LRCH2: variants seen among roughly 807,000 people sequenced by gnomAD.
The protein encoded by LRCH2 is leucine rich repeats and calponin homology domain containing 2, also known as leucine-rich repeat and calponin homology domain-containing protein 2.
A neutral mutation model predicts 68.9 loss-of-function variants in LRCH2; 38 were observed. The observed-to-expected ratio is 0.55, with a 90% confidence interval of 0.43 to 0.72. The LOEUF (loss-of-function observed/expected upper bound fraction) is 0.72, where lower values mean the gene tolerates loss of function less well. LRCH2 is among the 30% of genes least tolerant of loss of function. LRCH2 has a pLI of 0.00. For synonymous variants in LRCH2, 191 were observed against 208.1 expected (o/e 0.92, Z 0.71); for missense variants, 528 against 572.9 (o/e 0.92, Z 0.80).
At chrX:115,194,037 T>A (rs144273602) in intron 1 of LRCH2, among the ~76,000 whole-genome samples, 34 of 110,992 alleles carry the variant, frequency 3.1e-4, no homozygotes, top group African/African-American at 1.0e-3. Flanking sequence ...TCAGTAATGC[T>A]CAACTTCCTC....
intron 3 of LRCH2, among the ~76,000 whole-genome samples, chrX:115,180,638 AATG>A (rs1473302090): frequency 9.0e-6 from 1 of 111,653 alleles, no homozygotes; most frequent in African/African-American, 3.3e-5. Context: ...TTTTAGTGAA[AATG>A]ATAATAGCTT....
intron 1 of LRCH2, among the ~76,000 whole-genome samples, chrX:115,193,509 G>GC (rs1432224860): frequency 2.5e-3 from 278 of 111,247 alleles, no homozygotes; most frequent in African/African-American, 8.4e-3. Context: ...CTAAATTATT[G>GC]CAAGTACACA....
chrX:115,176,067 T>C (rs919970026), intron 5 of LRCH2, among the ~76,000 whole-genome samples: 3 of 112,067 alleles, frequency 2.7e-5, no homozygotes, highest in Non-Finnish European at 5.6e-5. Context: ...GGAGAACTGC[T>C]TGGTGGTGGG....
chrX:115,178,945 T>C (rs1556551647), intron 5 of LRCH2, among the ~76,000 whole-genome samples: 1 of 112,298 alleles, frequency 8.9e-6, no homozygotes, highest in East Asian at 2.8e-4. Flanking sequence ...ACTTTGTCCA[T>C]AGGGGATTAT....
intron 7 of LRCH2, 74 bp downstream of exon 7, chrX:115,166,181 A>G (rs1243705788): frequency 1.3e-6 from 1 of 773,864 alleles, no homozygotes; most frequent in African/African-American, 2.1e-5. Flanking sequence ...AAACTCAAGT[A>G]TGCACAAGGG....
At chrX:115,212,662 G>T (rs1392494853) in intron 1 of LRCH2, among the ~76,000 whole-genome samples, 1 of 109,475 alleles carries the variant, frequency 9.1e-6, no homozygotes, top group African/African-American at 3.3e-5. Context: ...ACCAAGCTTG[G>T]CTATTTTTTT....
chrX:115,123,962 C>A lies in LRCH2; in HGVS notation c.1832G>T (p.Gly611Val). The A allele has an allele frequency of 9.0e-7, 1 of 1,114,304 alleles. No homozygotes were observed. Among genetic ancestry groups the A allele is most frequent in the Non-Finnish European group, 1.2e-6 (1 of 840,614 alleles). The allele number at this position is 1,114,304 out of a possible 1,213,427, so 91.8% of individuals were successfully genotyped here. A position where few individuals can be genotyped will look rare whatever the true frequency, so the allele number is the denominator to read the frequency against. Reference sequence around the variant, plus strand: ...CTATTTACCTGATCTAGGCTTCAAGCCAAAGGGACTGTGTGAAAAACCATC... The same window carrying A: ...CTATTTACCTGATCTAGGCTTCAAGACAAAGGGACTGTGTGAAAAACCATC... ...RTDGFSHSPFGLKPRSAFSRS... is the reference protein window; with the variant it reads ...RTDGFSHSPFVLKPRSAFSRS... The change falls in exon 17 of 21, where the codon GGC becomes GTC. Residue 611 changes from glycine (G) to valine (V), a missense_variant. Transcript: ENST00000317135.
chrX:115,116,118 T>G (rs925623297), intron 20 of LRCH2, among the ~76,000 whole-genome samples: 16 of 111,325 alleles, frequency 1.4e-4, no homozygotes, highest in Non-Finnish European at 1.9e-5. Flanking sequence ...GTAAAAATAG[T>G]GCAGCCACTT....
At chrX:115,218,334 G>A (rs782475022) in intron 1 of LRCH2, among the ~76,000 whole-genome samples, 75 of 112,161 alleles carry the variant, frequency 6.7e-4, no homozygotes, top group African/African-American at 1.8e-3. Flanking sequence ...TGAGGCAGGA[G>A]TATAGGATCT....
At chrX:115,139,791 C>T (rs1274244719) in intron 14 of LRCH2, among the ~76,000 whole-genome samples, 2 of 111,202 alleles carry the variant, frequency 1.8e-5, no homozygotes, top group Non-Finnish European at 3.8e-5. Flanking sequence ...CCAGGCATGG[C>T]GGGAGCATTT....
At chrX:115,189,761 T>G (rs1556556382) in intron 1 of LRCH2, 4 of 1,165,969 alleles carry the variant, frequency 3.4e-6, no homozygotes, top group Non-Finnish European at 4.6e-6. Context: ...CGCTCAAGGT[T>G]CTCACACAGA....
chrX:115,128,136 G>A (rs1408232291), intron 15 of LRCH2, among the ~76,000 whole-genome samples: 2 of 112,092 alleles, frequency 1.8e-5, no homozygotes, highest in African/African-American at 6.5e-5. Context: ...AAAGGGGAAT[G>A]TATGCAAAAT....
intron 5 of LRCH2, 76 bp from the exon 6 acceptor site, chrX:115,170,508 G>A: frequency 1.2e-6 from 1 of 854,063 alleles, no homozygotes; most frequent in Non-Finnish European, 1.5e-6. Context: ...CCATTCAATA[G>A]TCTCAAATTA....
In LRCH2 at chrX:115,113,158, A is replaced by G; in HGVS notation, c.*58T>C. 1.0e-6 allele frequency: 1 copy of G among 1,002,356 alleles called. No individual in the cohort carries two copies. Among genetic ancestry groups the G allele is most frequent in the Non-Finnish European group, 1.3e-6 (1 of 750,477 alleles). 82.6% of individuals were successfully genotyped at this position (1,002,356 alleles called of 1,213,427 possible). Reference sequence around the variant, plus strand: ...GAATATTCTTATTCATGAATTTGAAATATTTGAAATCACTTCAAATAAATG... The same window carrying G: ...GAATATTCTTATTCATGAATTTGAAGTATTTGAAATCACTTCAAATAAATG... On this transcript the variant is annotated 3_prime_UTR_variant, in exon 21 of 21. Coordinates refer to ENST00000317135, the MANE Select transcript of LRCH2 (RefSeq NM_020871.4).
Position 115,125,638 on chromosome X carries a change from TACATATATATATAC to T in LRCH2, c.1791+1191_1791+1204del, listed in dbSNP as rs2072192355. Among the ~76,000 whole-genome samples, 2 of 88,421 alleles carry T rather than the reference TACATATATATATAC, an allele frequency of 2.3e-5. 1 individual carries two copies. Among genetic ancestry groups the T allele is most frequent in the African/African-American group, 8.8e-5 (2 of 22,798 alleles). 76.8% of individuals were successfully genotyped at this position (88,421 alleles called of 115,157 possible). A position where few individuals can be genotyped will look rare whatever the true frequency, so the allele number is the denominator to read the frequency against. On this transcript the variant is annotated intron_variant, in intron 16 of 20. Transcript: ENST00000317135. ...ATATATGTATATATATACATATATA[TACATATATATATAC>T]ACGTATATATATACGTATATATATA...
chrX:115,123,393 T>C (rs2072160736), intron 17 of LRCH2, among the ~76,000 whole-genome samples: 1 of 112,341 alleles, frequency 8.9e-6, no homozygotes, highest in Admixed American at 9.5e-5. Flanking sequence ...AGTGTAATGA[T>C]TTCTACCACC....
Position 115,191,829 on chromosome X carries a change from C to G in LRCH2, c.350-3459G>C, listed in dbSNP as rs782130376. 3.5e-6 allele frequency: 4 copies of G among 1,148,442 alleles called. No homozygotes were observed. In the Admixed American group the frequency reaches 1.1e-4, roughly 31 times the overall value. 94.6% of individuals were successfully genotyped at this position (1,148,442 alleles called of 1,213,427 possible). A position where few individuals can be genotyped will look rare whatever the true frequency, so the allele number is the denominator to read the frequency against. ...ATGCCAACAGCGGAGGCCGCTCACC[C>G]AATGCCTACAGCGGGGGCCACAACA... is the stretch of plus-strand genomic sequence containing the variant. On this transcript the variant is annotated intron_variant, in intron 1 of 20. Transcript: ENST00000317135.
chrX:115,166,780 A>T (rs2072563301), intron 6 of LRCH2, among the ~76,000 whole-genome samples: 2 of 110,955 alleles, frequency 1.8e-5, no homozygotes, highest in African/African-American at 6.5e-5. Flanking sequence ...TAAAGAGAGG[A>T]TGTAAAAATG....
At chrX:115,118,722 G>T (rs2072107144) in intron 20 of LRCH2, among the ~76,000 whole-genome samples, 1 of 111,045 alleles carries the variant, frequency 9.0e-6, no homozygotes, top group African/African-American at 3.3e-5. Flanking sequence ...CCAAAAAAGA[G>T]AATTTCAGAC....
Sources: gnomAD v4.1 joint callset for allele counts (sites outside exome capture counted in the v4.1 genomes callset) on GRCh38, gnomAD v4.1.1 for gene constraint, MANE v1.5 for transcripts, NCBI Gene and HGNC (gene_info 2026-07-23, HGNC 2026-07-21) for gene names.